Variants in SGK1 observed in about 807,000 individuals in gnomAD.
The protein encoded by SGK1 is serum/glucocorticoid regulated kinase 1, also known as serine/threonine-protein kinase Sgk1.
A neutral mutation model predicts 64.2 loss-of-function variants in SGK1; 26 were observed. The ratio of observed to expected loss-of-function variants is 0.40; its 90% CI spans 0.30 to 0.56. The LOEUF is 0.56. SGK1 is among the 20% of genes least tolerant of loss of function. The pLI, the probability that SGK1 is intolerant of heterozygous loss-of-function variation, is 0.38. For missense variants in SGK1, 519 were observed against 645.6 expected (o/e 0.80, Z 2.12); for synonymous variants, 265 against 239.7 (o/e 1.11, Z -0.98).
chr6:134,235,733 GGC>G (rs1335944756), intron 2 of SGK1, among the ~76,000 whole-genome samples: 1 of 151,682 alleles, frequency 6.6e-6, no homozygotes, highest in African/African-American at 2.4e-5. Flanking sequence ...CACCATGCCT[GGC>G]TAATTTTTTT....
chr6:134,269,198 C>G (rs1194878181), intron 1 of SGK1, among the ~76,000 whole-genome samples: 1 of 147,468 alleles, frequency 6.8e-6, no homozygotes, highest in Non-Finnish European at 1.5e-5. Flanking sequence ...CATTGGCCCC[C>G]GTCCTTTTAG....
At chr6:134,300,030 C>T (rs1777424031) in intron 1 of SGK1, among the ~76,000 whole-genome samples, 1 of 152,032 alleles carries the variant, frequency 6.6e-6, no homozygotes, top group African/African-American at 2.4e-5. Flanking sequence ...AAAAAGGAAC[C>T]TGGCTTCTAA....
At chr6:134,174,313 C>T (rs1775137850) in intron 4 of SGK1, 198 bp downstream of exon 4, 2 of 605,670 alleles carry the variant, frequency 3.3e-6, no homozygotes, top group South Asian at 2.1e-5. Flanking sequence ...AACCATTTAT[C>T]TTACATCTCC....
intron 2 of SGK1, among the ~76,000 whole-genome samples, chr6:134,246,472 T>C (rs781489267): frequency 2.0e-5 from 3 of 151,860 alleles, no homozygotes; most frequent in Non-Finnish European, 4.4e-5. Context: ...TTGATTCCTT[T>C]TAGGCTTGGG....
rs145527144 is a variant in SGK1 at position 134,282,427 on chromosome 6, G to A, written c.70-20279C>T. Among the ~76,000 whole-genome samples the A allele has an allele frequency of 1.6e-3, 242 of 152,204 alleles. 1 individual carries two copies. Among genetic ancestry groups the A allele is most frequent in the African/African-American group, 5.3e-3 (219 of 41,514 alleles). ...CAGCACTTGGGAGGCCAAGGAGGGC[G>A]GATCACTTGAGGTCAGGAGTTCGAG... On this transcript the variant is annotated intron_variant, in intron 1 of 13. Transcript: ENST00000367858.
At chr6:134,314,937 T>C (rs1205807030) in intron 1 of SGK1, among the ~76,000 whole-genome samples, 2 of 152,110 alleles carry the variant, frequency 1.3e-5, no homozygotes, top group Non-Finnish European at 2.9e-5. Flanking sequence ...AGAAAATGAA[T>C]TATTCTGAAC....
At chr6:134,199,524 A>G (rs1446623323) in intron 3 of SGK1, among the ~76,000 whole-genome samples, 1 of 138,682 alleles carries the variant, frequency 7.2e-6, no homozygotes, top group East Asian at 2.0e-4. Flanking sequence ...GCGTCACTGC[A>G]CTCCAGACTG....
chr6:134,317,585 C>T lies in SGK1; in HGVS notation c.-125G>A, dbSNP rs1033639358. The T allele has an allele frequency of 1.5e-5, 11 of 731,628 alleles. No individual in the cohort carries two copies. The highest frequency in any genetic ancestry group is 7.4e-5 in the East Asian group (3 of 40,608). 45.3% of individuals were successfully genotyped at this position (731,628 alleles called of 1,614,324 possible). A position where few individuals can be genotyped will look rare whatever the true frequency, so the allele number is the denominator to read the frequency against. The stretch of plus-strand genomic sequence containing the variant: ...AGACTGAGCGGGATGGAGAATCTAG[C>T]GGGGCTCAGTTCTTCACTCGCGCAT... On this transcript the variant is annotated 5_prime_UTR_variant, in exon 1 of 14. Transcript: ENST00000367858.
chr6:134,241,079 C>T (rs1026969076), intron 2 of SGK1, among the ~76,000 whole-genome samples: 2 of 142,996 alleles, frequency 1.4e-5, no homozygotes, highest in African/African-American at 5.7e-5. Context: ...AGACAGGGTC[C>T]AGTTCTGTCA....
intron 2 of SGK1, among the ~76,000 whole-genome samples, chr6:134,223,062 T>C (rs1291491716): frequency 9.2e-5 from 14 of 152,130 alleles, no homozygotes; most frequent in Admixed American, 8.5e-4. Context: ...TTTAGGGTCA[T>C]TGTGCTGTAT....
chr6:134,265,662 C>T (rs1562269048), intron 1 of SGK1, among the ~76,000 whole-genome samples: 1 of 146,302 alleles, frequency 6.8e-6, no homozygotes, highest in East Asian at 2.0e-4. Flanking sequence ...ACACTATAGA[C>T]ATAAAGTAGG....
intron 1 of SGK1, among the ~76,000 whole-genome samples, chr6:134,287,766 G>A (rs569400329): frequency 2.0e-5 from 3 of 152,184 alleles, no homozygotes; most frequent in African/African-American, 4.8e-5. Context: ...GTATTTACAT[G>A]TATTAGAGTT....
chr6:134,174,239 C>A (rs1311897493), intron 4 of SGK1, 159 bp from the exon 5 acceptor site: 2 of 614,064 alleles, frequency 3.3e-6, no homozygotes, highest in Non-Finnish European at 5.7e-6. Context: ...AAATAATAAA[C>A]CCCATTAAAT....
chr6:134,269,927 T>TC lies in SGK1; in HGVS notation c.70-7780_70-7779insG, dbSNP rs199938430. ...CATGTATCTGTCTTTTCTCTCTCTC[T>TC]TTTTTTTTTTTGAGACGGAGTTGTA... On this transcript the variant is annotated intron_variant, in intron 1 of 13. Transcript: ENST00000367858. Among the ~76,000 whole-genome samples the TC allele has an allele frequency of 6.5e-3, 905 of 138,422 alleles. 43 individuals are homozygous for TC. The highest frequency in any genetic ancestry group is 0.022 in the African/African-American group (825 of 37,624). 90.8% of individuals were successfully genotyped at this position (138,422 alleles called of 152,430 possible). A position where few individuals can be genotyped will look rare whatever the true frequency, so the allele number is the denominator to read the frequency against.
At position 134,314,139 on chromosome 6, in the gene SGK1, C is replaced by T. The variant is rs964244042; in HGVS notation, c.69+3253G>A. ...ATGAAATTAAGCTGCTTTAGTTGAG[C>T]TTTTAAAATATGAGGATGAGAAGCA... On this transcript the variant is annotated intron_variant, in intron 1 of 13. Transcript: ENST00000367858. Among the ~76,000 whole-genome samples, 3 of 152,162 alleles carry T rather than the reference C, an allele frequency of 2.0e-5. No homozygotes were observed. The East Asian group carries it at 5.8e-4, about 30-fold the overall frequency.
intron 1 of SGK1, among the ~76,000 whole-genome samples, chr6:134,280,952 C>T (rs979634164): frequency 3.5e-4 from 54 of 152,126 alleles, no homozygotes; most frequent in Non-Finnish European, 4.4e-5. Context: ...ACCAGTAACC[C>T]CAGCTACTTG....
intron 2 of SGK1, among the ~76,000 whole-genome samples, chr6:134,250,725 A>T (rs2114735579): frequency 6.6e-6 from 1 of 152,332 alleles, no homozygotes; most frequent in East Asian, 1.9e-4. Context: ...GGATTAAATT[A>T]TATGGTTTTA....
chr6:134,201,804 G>T (rs544079281), intron 3 of SGK1, among the ~76,000 whole-genome samples: 25 of 152,306 alleles, frequency 1.6e-4, no homozygotes, highest in Non-Finnish European at 2.9e-4. Flanking sequence ...TGGATGGATG[G>T]CTATGGAGCT....
intron 2 of SGK1, among the ~76,000 whole-genome samples, chr6:134,222,713 G>A (rs181422128): frequency 6.6e-6 from 1 of 151,946 alleles, no homozygotes; most frequent in Non-Finnish European, 1.5e-5. Flanking sequence ...ATGGGGCTGG[G>A]AAAAAATAAT....
Sources: allele counts gnomAD v4.1 joint callset (sites outside exome capture counted in the v4.1 genomes callset), GRCh38; gene constraint gnomAD v4.1.1; transcripts MANE v1.5; gene names NCBI Gene and HGNC (gene_info 2026-07-23, HGNC 2026-07-21).